NPAS2: variants seen among roughly 807,000 people sequenced by gnomAD.
NPAS2 encodes neuronal PAS domain protein 2.
Under a neutral mutation model 107.5 loss-of-function variants are expected in NPAS2, and 23 were observed. The ratio of observed to expected loss-of-function variants is 0.21; its 90% CI spans 0.15 to 0.30. NPAS2 has a LOEUF of 0.30. Among genes scored for constraint, NPAS2 ranks in the 10% least tolerant of loss-of-function variants. The probability of loss-of-function intolerance (pLI) is 1.00; values close to 1 mark genes in which losing one functional copy is unlikely to be tolerated. For synonymous variants in NPAS2, 403 were observed against 417.5 expected, an observed-to-expected ratio of 0.97 and a Z score of 0.42; for missense variants, 756 against 1,043.3, an observed-to-expected ratio of 0.72 and a Z score of 3.79.
chr2:100,982,204 A>G (rs2105280889), intron 15 of NPAS2, 27 bp from the exon 16 acceptor site: 1 of 1,613,868 alleles, frequency 6.2e-7, no homozygotes, highest in Non-Finnish European at 8.5e-7. Flanking sequence ...CTTTCATCTG[A>G]TTATGTTTTT....
intron 3 of NPAS2, among the ~76,000 whole-genome samples, chr2:100,926,274 C>T (rs1683555409): frequency 6.6e-6 from 1 of 152,054 alleles, no homozygotes; most frequent in African/African-American, 2.4e-5. Flanking sequence ...TATATGTTTT[C>T]ACTTCTTTTG....
chr2:100,977,847 C>T (rs774840877), intron 15 of NPAS2, 48 bp downstream of exon 15: 19 of 1,501,014 alleles, frequency 1.3e-5, no homozygotes, highest in Non-Finnish European at 1.5e-5. Context: ...GCCAGAAGTC[C>T]GCAGTGTGCT....
chr2:100,901,513 C>T (rs1419493805), intron 1 of NPAS2: 13 of 985,128 alleles, frequency 1.3e-5, no homozygotes, highest in African/African-American at 1.7e-5. Flanking sequence ...TGAATGTTAC[C>T]GGGCGTGTTC....
At chr2:100,951,221 A>G (rs1211271366) in intron 7 of NPAS2, among the ~76,000 whole-genome samples, 3 of 152,320 alleles carry the variant, frequency 2.0e-5, no homozygotes, top group East Asian at 1.9e-4. Context: ...CTCCCAGACA[A>G]CTTTATCATT....
intron 3 of NPAS2, among the ~76,000 whole-genome samples, chr2:100,926,941 C>CTT (rs71378131): frequency 0.013 from 1,687 of 126,826 alleles, 66 homozygotes; most frequent in African/African-American, 0.047. Flanking sequence ...TTTTTTCTTT[C>CTT]TTTTTTTTTT....
intron 1 of NPAS2, chr2:100,823,475 A>G (rs190615160): frequency 1.4e-4 from 21 of 152,180 alleles, no homozygotes; most frequent in African/African-American, 5.1e-4. Flanking sequence ...CACTGGTATG[A>G]AAAAAACTGT....
intron 7 of NPAS2, among the ~76,000 whole-genome samples, chr2:100,952,756 G>A (rs564706124): frequency 2.1e-4 from 32 of 151,624 alleles, no homozygotes; most frequent in Non-Finnish European, 3.5e-4. Flanking sequence ...TGAATACCTG[G>A]GACTTTTTTT....
chr2:100,858,425 TCTATTAGTTACTTTA>T (rs1341178752), intron 1 of NPAS2, among the ~76,000 whole-genome samples: 1 of 152,196 alleles, frequency 6.6e-6, no homozygotes, highest in Non-Finnish European at 1.5e-5. Flanking sequence ...CACTCTCACT[TCTATTAGTTACTTTA>T]ATTTCCTCGC....
intron 4 of NPAS2, among the ~76,000 whole-genome samples, chr2:100,935,829 T>C (rs1479102372): frequency 6.6e-6 from 1 of 152,224 alleles, no homozygotes; most frequent in Non-Finnish European, 1.5e-5. Context: ...AAGGAAAAGT[T>C]ACTGGGATGT....
At position 100,975,483 on chromosome 2, in the gene NPAS2, G is replaced by A. The variant is rs758690082; in HGVS notation, c.1308G>A (p.Glu436=). 7.4e-5 allele frequency: 119 copies of A among 1,613,258 alleles called. No individual in the cohort carries two copies. Among genetic ancestry groups the A allele is most frequent in the Non-Finnish European group, 9.7e-5 (115 of 1,179,668 alleles). Residue 436 remains glutamate (E), a synonymous_variant, in exon 14 of 21, where the codon GAG becomes GAA. Coordinates refer to ENST00000335681, the MANE Select transcript of NPAS2 (RefSeq NM_002518.4). ...CCACTCCCACCAAGCTGATGGCAGAGGCCAGCACCCCGGCTTTGCCAAGAT... is the reference window on the plus strand; with the variant it reads ...CCACTCCCACCAAGCTGATGGCAGAAGCCAGCACCCCGGCTTTGCCAAGAT... ...PTSTPTKLMA[E]ASTPALPRSA...
chr2:100,933,822 A>C (rs1684138269), intron 4 of NPAS2, among the ~76,000 whole-genome samples: 1 of 152,200 alleles, frequency 6.6e-6, no homozygotes, highest in Non-Finnish European at 1.5e-5. Context: ...AACCAAGAGG[A>C]GGCAAACTGG....
intron 1 of NPAS2, among the ~76,000 whole-genome samples, chr2:100,831,574 G>C (rs1372026498): frequency 6.6e-6 from 1 of 152,154 alleles, no homozygotes; most frequent in African/African-American, 2.4e-5. Context: ...ACCAAAAGCA[G>C]ATGGAAGTTT....
In NPAS2 at chr2:100,965,754, T is replaced by G. The variant is rs1573740421; in HGVS notation, c.895T>G (p.Cys299Gly). Reference protein sequence around the residue: ...HIDDLELLARCHQHLMQFGKG... With the variant: ...HIDDLELLARGHQHLMQFGKG... ...TGATGACCTGGAGCTCCTGGCCAGG[T>G]GTCACCAGCACCGTGAGTACCACTG... Residue 299 changes from cysteine (C) to glycine (G), a missense_variant, in exon 10 of 21, where the codon TGT (cysteine) becomes GGT (glycine). Cys to Gly is a radical substitution (Grantham distance 159, BLOSUM62 -3). Coordinates refer to ENST00000335681, the MANE Select transcript of NPAS2 (RefSeq NM_002518.4). This position sits in a 1 kb window ranked among gnomAD's most constrained non-coding sequence, Gnocchi z 4.3. 6.2e-7 allele frequency: 1 copy of G among 1,612,532 alleles called. No individual in the cohort carries two copies. The highest frequency in any genetic ancestry group is 8.5e-7 in the Non-Finnish European group (1 of 1,178,650).
At chr2:100,960,218 GA>G (rs558036460) in intron 7 of NPAS2, among the ~76,000 whole-genome samples, 5 of 152,228 alleles carry the variant, frequency 3.3e-5, no homozygotes, top group African/African-American at 1.2e-4. Flanking sequence ...ACAGTGTAAT[GA>G]AAGTTTCAGG....
Position 100,904,497 on chromosome 2 carries a change from G to A in NPAS2, c.-22-236G>A, listed in dbSNP as rs185899494. Among the ~76,000 whole-genome samples, 94 of 40,242 alleles carry A rather than the reference G, an allele frequency of 2.3e-3. 2 individuals carry two copies. The highest frequency in any genetic ancestry group is 3.6e-3 in the African/African-American group (17 of 4,710). 26.4% of individuals were successfully genotyped at this position (40,242 alleles called of 152,430 possible). On this transcript the variant is annotated intron_variant, in intron 1 of 20. Transcript: ENST00000335681. Reference sequence around the variant, plus strand: ...TGACATCTGATGACTTCATTGCTCCGATGCCCAATGAAAGAGTGCCTGTGC... The same window carrying A: ...TGACATCTGATGACTTCATTGCTCCAATGCCCAATGAAAGAGTGCCTGTGC...
At chr2:100,957,893 A>C (rs1038611425) in intron 7 of NPAS2, among the ~76,000 whole-genome samples, 5 of 151,960 alleles carry the variant, frequency 3.3e-5, no homozygotes, top group African/African-American at 1.2e-4. Flanking sequence ...GCGCCACTGC[A>C]CTCCAGCCTG....
chr2:100,910,778 T>A (rs1682494558), intron 2 of NPAS2, among the ~76,000 whole-genome samples: 1 of 152,178 alleles, frequency 6.6e-6, no homozygotes, highest in African/African-American at 2.4e-5. Context: ...TCCACCTGTC[T>A]CAGCCTCCCA....
chr2:100,858,776 T>G (rs1678744631), intron 1 of NPAS2, among the ~76,000 whole-genome samples: 1 of 152,172 alleles, frequency 6.6e-6, no homozygotes, highest in Admixed American at 6.5e-5. Context: ...TTACTGACAT[T>G]AGTTGTTTAA....
chr2:100,892,536 C>T (rs1012803945), intron 1 of NPAS2, among the ~76,000 whole-genome samples: 11 of 152,010 alleles, frequency 7.2e-5, no homozygotes, highest in Non-Finnish European at 8.8e-5. Context: ...CTGTGAGACC[C>T]GGCTCCTTGG....
Sources: gnomAD v4.1 joint callset for allele counts (sites outside exome capture counted in the v4.1 genomes callset) on GRCh38, gnomAD v4.1.1 for gene constraint, Gnocchi (gnomAD v3.1) non-coding constraint, MANE v1.5 for transcripts, NCBI Gene and HGNC (gene_info 2026-07-23, HGNC 2026-07-21) for gene names.